PMM2: variants seen among roughly 807,000 people sequenced by gnomAD.
The protein encoded by PMM2 is mannose-6-phosphate isomerase.
In PMM2, 35 loss-of-function variants were observed where a neutral mutation model predicts 33.2. That is an observed-to-expected ratio of 1.06 (90% confidence interval 0.81 to 1.40). The LOEUF (loss-of-function observed/expected upper bound fraction) is 1.40. Among genes scored for constraint, PMM2 ranks in the 40% most tolerant of loss-of-function variants. The pLI, the probability that PMM2 is intolerant of heterozygous loss-of-function variation, is 0.00. For synonymous variants in PMM2, 153 were observed against 114.7 expected (o/e 1.33, Z -2.13); for missense variants, 386 against 306.0 (o/e 1.26, Z -1.95).
intron 1 of PMM2, among the ~76,000 whole-genome samples, 184 bp from the exon 2 acceptor site, chr16:8,801,615 T>C (rs2060616791): frequency 2.0e-5 from 3 of 152,206 alleles, no homozygotes; most frequent in Admixed American, 6.5e-5. Flanking sequence ...GAGGCTGCGA[T>C]GAGCTATGAC....
intron 7 of PMM2, among the ~76,000 whole-genome samples, chr16:8,824,942 C>T (rs964883967): frequency 6.6e-6 from 1 of 152,182 alleles, no homozygotes; most frequent in East Asian, 1.9e-4. Context: ...TTCATTGTCT[C>T]TCTCTGTCAA....
rs1296576930 is a variant in PMM2, at chr16:8,811,858, C to G, written c.523+145C>G. ...AGCAGTCCAGTCTATAGACAAAAAC[C>G]AACCACTCTCTTTTCTGCATAATTA... is the stretch of plus-strand genomic sequence containing the variant. On this transcript the variant is annotated intron_variant, in intron 6 of 7. Coordinates refer to ENST00000268261, the MANE Select transcript of PMM2 (RefSeq NM_000303.3). 3 of 694,000 alleles carry G rather than the reference C, an allele frequency of 4.3e-6. No homozygotes were observed. The East Asian group carries it at 8.1e-5, about 19-fold the overall frequency. The allele number at this position is 694,000 out of a possible 1,614,324, so 43.0% of individuals were successfully genotyped here.
intron 2 of PMM2, 131 bp downstream of exon 2, chr16:8,802,041 C>T (rs1275809889): frequency 4.4e-6 from 3 of 686,914 alleles, no homozygotes; most frequent in Non-Finnish European, 8.0e-6. Flanking sequence ...TTTTGGGAAA[C>T]ATTTTCTTGG....
At position 8,811,125 on chromosome 16, in the gene PMM2, A is replaced by G. The variant is rs753632453; in HGVS notation, c.394A>G (p.Ile132Val). The G allele has an allele frequency of 2.6e-5, 41 of 1,577,940 alleles. No homozygotes were observed. The highest frequency in any genetic ancestry group is 3.5e-5 in the Admixed American group (2 of 56,804). Residue 132 changes from isoleucine to valine, a missense_variant, in exon 5 of 8, where the codon ATT (isoleucine) becomes GTT (valine). By Grantham distance (29) the Ile-to-Val change is conservative (BLOSUM62 3). Transcript: ENST00000268261. The stretch of plus-strand genomic sequence containing the variant: ...AAATGGGATGTTAAACGTGTCCCCT[A>G]TTGGAAGAAGCTGCAGCCAAGAAGA... ...FRNGMLNVSPIGRSCSQEERI... is the reference protein window; with the variant it reads ...FRNGMLNVSPVGRSCSQEERI...
At position 8,813,028 on chromosome 16, in the gene PMM2, G is replaced by A. The variant is rs201855351; in HGVS notation, c.561G>A (p.Trp187Ter). Residue 187 changes from tryptophan to a stop codon, truncating the protein, a stop_gained, in exon 7 of 8, where the codon TGG becomes TGA. Coordinates refer to ENST00000268261, the MANE Select transcript of PMM2 (RefSeq NM_000303.3). LOFTEE classifies it high-confidence loss of function. ...GCTTTGATGTCTTTCCTGATGGATG[G>A]GACAAGAGATACTGTCTGCGACATG... ...QISFDVFPDG[W>*]DKRYCLRHVE... 1.3e-5 allele frequency: 21 copies of A among 1,613,616 alleles called. No individual in the cohort carries two copies. Among genetic ancestry groups the A allele is most frequent in the Non-Finnish European group, 1.7e-5 (20 of 1,179,498 alleles).
chr16:8,816,005 G>T (rs1156931096), intron 7 of PMM2, among the ~76,000 whole-genome samples: 2 of 151,954 alleles, frequency 1.3e-5, no homozygotes, highest in Admixed American at 6.6e-5. Flanking sequence ...TGAATAGACA[G>T]TTCTCCAAAG....
chr16:8,802,591 G>A (rs765459584), intron 2 of PMM2, among the ~76,000 whole-genome samples: 1 of 152,162 alleles, frequency 6.6e-6, no homozygotes, highest in Non-Finnish European at 1.5e-5. Flanking sequence ...CACTTGGGGA[G>A]GCCGAGGCGG....
intron 3 of PMM2, 56 bp downstream of exon 3, chr16:8,804,899 G>A (rs1238676332): frequency 1.1e-5 from 12 of 1,117,522 alleles, no homozygotes; most frequent in Admixed American, 3.4e-5. Context: ...TTCTAAAAGG[G>A]CATTTCACAA....
chr16:8,838,842 TGTC>T (rs1222006269), intron 7 of PMM2, among the ~76,000 whole-genome samples: 6 of 152,054 alleles, frequency 3.9e-5, no homozygotes, highest in African/African-American at 1.2e-4. Context: ...TTTTTTATGT[TGTC>T]ATACATCAGG....
chr16:8,827,804 TTATA>T (rs1399823561), intron 7 of PMM2, among the ~76,000 whole-genome samples: 1,353 of 42,546 alleles, frequency 0.032, 59 homozygotes, highest in African/African-American at 0.1. Context: ...TTATACATAT[TTATA>T]TATTTATATA....
Position 8,804,822 on chromosome 16 carries a change from T to C in PMM2, c.234T>C (p.Asp78=), listed in dbSNP as rs1186149338. Residue 78 remains aspartate, a synonymous_variant, in exon 3 of 8, where the codon GAT becomes GAC. Coordinates refer to ENST00000268261, the MANE Select transcript of PMM2 (RefSeq NM_000303.3). ...FPENGLVAYK[D]GKLLCRQNIQ... Reference sequence around the variant, plus strand: ...AAAATGGCTTGGTAGCATACAAAGATGGGAAACTCTTGTGTAGACAGGTAG... The same window carrying C: ...AAAATGGCTTGGTAGCATACAAAGACGGGAAACTCTTGTGTAGACAGGTAG... 1 of 1,610,914 alleles carries C rather than the reference T, an allele frequency of 6.2e-7. No individual in the cohort carries two copies. The highest frequency in any genetic ancestry group is 1.3e-5 in the African/African-American group (1 of 74,994).
chr16:8,839,220 G>C (rs112088453), intron 7 of PMM2, among the ~76,000 whole-genome samples: 1 of 152,032 alleles, frequency 6.6e-6, no homozygotes, highest in African/African-American at 2.4e-5. Context: ...ATTGAATTTT[G>C]GGAGTAAGGA....
intron 7 of PMM2, among the ~76,000 whole-genome samples, chr16:8,845,551 G>A (rs1197517837): frequency 1.3e-5 from 2 of 152,000 alleles, no homozygotes. Context: ...CTCTTTTGAG[G>A]CATGTGAGAG....
chr16:8,826,828 C>T (rs28890213), intron 7 of PMM2, among the ~76,000 whole-genome samples: 36,878 of 151,896 alleles, frequency 0.24, 4,717 homozygotes, highest in South Asian at 0.34. Flanking sequence ...AATCTTGTCA[C>T]GACTCACAGA....
intron 7 of PMM2, chr16:8,832,076 G>GCTTTC: frequency 1.1e-6 from 1 of 926,598 alleles, no homozygotes. Context: ...AGGGCAGCCA[G>GCTTTC]CTTTCCTTTC....
At chr16:8,840,394 A>T (rs1024130493) in intron 7 of PMM2, among the ~76,000 whole-genome samples, 1 of 151,816 alleles carries the variant, frequency 6.6e-6, no homozygotes, top group Non-Finnish European at 1.5e-5. Context: ...AACAGTGTAA[A>T]CCGGCCGTGT....
chr16:8,824,787 A>G (rs2060757325), intron 7 of PMM2, among the ~76,000 whole-genome samples: 1 of 152,154 alleles, frequency 6.6e-6, no homozygotes, highest in Non-Finnish European at 1.5e-5. Flanking sequence ...GATAACTCAA[A>G]CATTTTGTAA....
Position 8,847,890 on chromosome 16 carries a change from C to T in PMM2, c.*65C>T, listed in dbSNP as rs551072970. The T allele has an allele frequency of 5.6e-5, 71 of 1,268,804 alleles. 1 individual carries two copies. Among genetic ancestry groups the T allele is most frequent in the Admixed American group, 3.3e-4 (19 of 58,064 alleles). The allele number at this position is 1,268,804 out of a possible 1,614,324, so 78.6% of individuals were successfully genotyped here. A position where few individuals can be genotyped will look rare whatever the true frequency, so the allele number is the denominator to read the frequency against. ...GCATAGGGCATTCGGTGGCCAGAGC[C>T]GAGGGTCCTCCCACACGTGCTCACC... On this transcript the variant is annotated 3_prime_UTR_variant, in exon 8 of 8. Transcript: ENST00000268261.
At chr16:8,805,077 A>T (rs1435886089) in intron 3 of PMM2, among the ~76,000 whole-genome samples, 4 of 152,168 alleles carry the variant, frequency 2.6e-5, no homozygotes, top group African/African-American at 9.7e-5. Flanking sequence ...TTTGAGACGG[A>T]GTCTTGCTCT....
Sources: gnomAD v4.1 joint callset for allele counts (sites outside exome capture counted in the v4.1 genomes callset) on GRCh38, gnomAD v4.1.1 for gene constraint, MANE v1.5 for transcripts, NCBI Gene and HGNC (gene_info 2026-07-23, HGNC 2026-07-21) for gene names.